CPLANE2: variants seen among roughly 807,000 people sequenced by gnomAD.
The protein encoded by CPLANE2 is ciliogenesis and planar polarity effector complex subunit 2.
A neutral mutation model predicts 20.9 loss-of-function variants in CPLANE2; 24 were observed. The observed-to-expected ratio is 1.15, with a 90% confidence interval of 0.83 to 1.61. CPLANE2 has a LOEUF of 1.61. CPLANE2 is among the 40% of genes most tolerant of loss of function. The pLI, the probability that CPLANE2 is intolerant of heterozygous loss-of-function variation, is 0.00. For missense variants in CPLANE2, 330 were observed against 355.1 expected (o/e 0.93, Z 0.57); for synonymous variants, 132 against 144.3 (o/e 0.92, Z 0.61).
At position 16,236,617 on chromosome 1, in the gene CPLANE2, G is replaced by T. The variant is rs1410340513; in HGVS notation, c.112+14C>A. On this transcript the variant is annotated intron_variant, in intron 1 of 4. Transcript: ENST00000375599. ...AGACAAGTGGCGGGCTAGAGGAAAG[G>T]GGGAGGCACTTACCAAACACCCGCC... 1.9e-6 allele frequency: 3 copies of T among 1,539,358 alleles called. No individual in the cohort carries two copies. Among genetic ancestry groups the T allele is most frequent in the Non-Finnish European group, 2.6e-6 (3 of 1,135,372 alleles).
At position 16,232,911 on chromosome 1, in the gene CPLANE2, C is replaced by CT; in HGVS notation, c.371dup (p.Phe125ValfsTer23). ...TGCTCACCAGCAGCATATGATCGAACTTTTTGAGTGCAGACTCTCCACAGT... is the reference window on the plus strand; with the variant it reads ...TGCTCACCAGCAGCATATGATCGAACTTTTTTGAGTGCAGACTCTCCACAGT... On this transcript the variant is annotated frameshift_variant, in exon 3 of 5. Coordinates refer to ENST00000375599, the MANE Select transcript of CPLANE2 (RefSeq NM_030907.4). LOFTEE classifies it high-confidence loss of function. The CT allele has an allele frequency of 6.2e-7, 1 of 1,614,178 alleles. No individual in the cohort carries two copies. Among genetic ancestry groups the CT allele is most frequent in the South Asian group, 1.1e-5 (1 of 91,084 alleles).
chr1:16,231,876 A>T lies in CPLANE2; in HGVS notation c.*172T>A. 1 of 951,680 alleles carries T rather than the reference A, an allele frequency of 1.1e-6. No individual in the cohort carries two copies. Among genetic ancestry groups the T allele is most frequent in the Non-Finnish European group, 1.5e-6 (1 of 652,442 alleles). The allele number at this position is 951,680 out of a possible 1,614,324, so 59.0% of individuals were successfully genotyped here. ...GGGCCTTGGTCCCCACCTCCCTGCC[A>T]TGAATTCTGCAAGGAAAGCGCTGCT... On this transcript the variant is annotated 3_prime_UTR_variant, in exon 5 of 5. Transcript: ENST00000375599.
In CPLANE2 at chr1:16,231,833, G is replaced by A. The variant is rs1457830764; in HGVS notation, c.*215C>T. On this transcript the variant is annotated 3_prime_UTR_variant, in exon 5 of 5. Coordinates refer to ENST00000375599, the MANE Select transcript of CPLANE2 (RefSeq NM_030907.4). The stretch of plus-strand genomic sequence containing the variant: ...GTGCTGCCAAAGGGGGAAAGGCCAC[G>A]GGAGATGTTCGAGCTCAGGGCCTTG... The A allele has an allele frequency of 2.3e-5, 15 of 645,896 alleles. No individual in the cohort carries two copies. Among genetic ancestry groups the A allele is most frequent in the African/African-American group, 5.5e-5 (3 of 54,778 alleles). The allele number at this position is 645,896 out of a possible 1,614,324, so 40.0% of individuals were successfully genotyped here.
intron 1 of CPLANE2, among the ~76,000 whole-genome samples, chr1:16,234,182 C>T (rs1445432597): frequency 6.6e-6 from 1 of 152,048 alleles, no homozygotes; most frequent in Non-Finnish European, 1.5e-5. Flanking sequence ...GGCAGATCAC[C>T]TGAGGTCAGG....
At chr1:16,233,888 G>C in intron 1 of CPLANE2, 124 bp from the exon 2 acceptor site, 4 of 1,018,176 alleles carry the variant, frequency 3.9e-6, no homozygotes, top group Non-Finnish European at 5.8e-6. Context: ...CCTAACACAA[G>C]GTGATCAGCT....
Position 16,231,948 on chromosome 1 carries a change from T to A in CPLANE2, c.*100A>T. On this transcript the variant is annotated 3_prime_UTR_variant, in exon 5 of 5. Coordinates refer to ENST00000375599, the MANE Select transcript of CPLANE2 (RefSeq NM_030907.4). Reference sequence around the variant, plus strand: ...CACATCCTCCCTGATCAGGCCATGCTGGCCAGTCCTCCAGATAGGATCCAT... The same window carrying A: ...CACATCCTCCCTGATCAGGCCATGCAGGCCAGTCCTCCAGATAGGATCCAT... 1 of 1,502,516 alleles carries A rather than the reference T, an allele frequency of 6.7e-7. No homozygotes were observed. 93.1% of individuals were successfully genotyped at this position (1,502,516 alleles called of 1,614,324 possible).
Position 16,237,143 on chromosome 1 carries a change from TC to T in CPLANE2, c.-402del, listed in dbSNP as rs1346047350. 1.3e-5 allele frequency: 2 copies of T among 157,980 alleles called. No homozygotes were observed. Among genetic ancestry groups the T allele is most frequent in the Non-Finnish European group, 2.8e-5 (2 of 71,352 alleles). The allele number at this position is 157,980 out of a possible 1,614,324, so 9.8% of individuals were successfully genotyped here. On this transcript the variant is annotated 5_prime_UTR_variant, in exon 1 of 5. Coordinates refer to ENST00000375599, the MANE Select transcript of CPLANE2 (RefSeq NM_030907.4). ...GCCGCCCCAGCCCGCCGGGCCCACT[TC>T]CGCCCCGCCTGCGTCCGCCTTCTGC...
rs2081425579 is a variant in CPLANE2, at chr1:16,232,213, C to T, written c.612G>A (p.Val204=). 1 of 1,612,530 alleles carries T rather than the reference C, an allele frequency of 6.2e-7. No individual in the cohort carries two copies. Among genetic ancestry groups the T allele is most frequent in the East Asian group, 2.2e-5 (1 of 44,886 alleles). ...RQAWELPLLR[V]KSVPGRRLAD... Reference sequence around the variant, plus strand: ...CCAGCCGCCGCCCCGGCACACTCTTCACCCGTAGCAGGGGCAGCTCCCAGG... The same window carrying T: ...CCAGCCGCCGCCCCGGCACACTCTTTACCCGTAGCAGGGGCAGCTCCCAGG... Residue 204 remains valine (V), a synonymous_variant, in exon 5 of 5, where the codon GTG becomes GTA. Coordinates refer to ENST00000375599, the MANE Select transcript of CPLANE2 (RefSeq NM_030907.4).
intron 1 of CPLANE2, among the ~76,000 whole-genome samples, chr1:16,235,950 G>A (rs1019810598): frequency 3.9e-5 from 6 of 152,056 alleles, no homozygotes; most frequent in African/African-American, 1.4e-4. Context: ...CAAAGTGCTG[G>A]GATTACAGGC....
chr1:16,235,258 T>C (rs572123458), intron 1 of CPLANE2, among the ~76,000 whole-genome samples: 30 of 152,352 alleles, frequency 2.0e-4, no homozygotes, highest in Non-Finnish European at 3.4e-4. Context: ...AAGCCATCAC[T>C]GCCATTCCTC....
In CPLANE2 at chr1:16,236,707, G is replaced by A. The variant is rs755081989; in HGVS notation, c.36C>T (p.Val12=). The part of the protein sequence containing the change: ...ARPPVPGSVV[V]PNWHESAEGK... ...CCTCGGCACTCTCGTGCCAGTTTGG[G>A]ACAACCACCGAACCGGGCACGGGAG... Residue 12 remains valine, a synonymous_variant, in exon 1 of 5, where the codon GTC becomes GTT. Transcript: ENST00000375599. 6.4e-7 allele frequency: 1 copy of A among 1,560,474 alleles called. No individual in the cohort carries two copies. Among genetic ancestry groups the A allele is most frequent in the South Asian group, 1.2e-5 (1 of 84,884 alleles).
intron 1 of CPLANE2, 50 bp downstream of exon 1, chr1:16,236,581 T>TC: frequency 7.1e-7 from 1 of 1,410,772 alleles, no homozygotes; most frequent in Non-Finnish European, 9.8e-7. Context: ...GACACTCTTC[T>TC]CCCCAGGGAA....
In CPLANE2 at chr1:16,232,150, G is replaced by A. The variant is rs201394931; in HGVS notation, c.675C>T (p.Ala225=). The A allele has an allele frequency of 4.3e-5, 69 of 1,613,370 alleles. No homozygotes were observed. Among genetic ancestry groups the A allele is most frequent in the Non-Finnish European group, 5.2e-5 (61 of 1,179,986 alleles). ...GGCCATTGAGTATGTGGGCAACGTC[G>A]GCCAGCCCAGCCCGCCCGTCCAGTG... The part of the protein sequence containing the change: ...GRTLDGRAGL[A]DVAHILNGLA... The change falls in exon 5 of 5, where the codon GCC becomes GCT. Residue 225 remains alanine, a synonymous_variant. Coordinates refer to ENST00000375599, the MANE Select transcript of CPLANE2 (RefSeq NM_030907.4).
chr1:16,236,860 G>A lies in CPLANE2; in HGVS notation c.-118C>T, dbSNP rs1363218424. On this transcript the variant is annotated 5_prime_UTR_variant, in exon 1 of 5. Transcript: ENST00000375599. Reference sequence around the variant, plus strand: ...CTCTTAACTGCCCTCTGACTCTCCCGGGGGGCCCCAGAAAGTGCAGTCCCT... The same window carrying A: ...CTCTTAACTGCCCTCTGACTCTCCCAGGGGGCCCCAGAAAGTGCAGTCCCT... The A allele has an allele frequency of 6.6e-6, 5 of 758,748 alleles. No homozygotes were observed. In the East Asian group the frequency reaches 1.4e-4, roughly 21 times the overall value. 47.0% of individuals were successfully genotyped at this position (758,748 alleles called of 1,614,324 possible).
At chr1:16,232,794 T>A in intron 3 of CPLANE2, 99 bp downstream of exon 3, 2 of 1,569,026 alleles carry the variant, frequency 1.3e-6, no homozygotes, top group Middle Eastern at 1.7e-4. Context: ...GGGCTGGGAC[T>A]GTCTCCAGTG....
rs545812835 is a variant in CPLANE2 at position 16,236,067 on chromosome 1, C to T, written c.112+564G>A. Among the ~76,000 whole-genome samples the T allele has an allele frequency of 5.3e-5, 8 of 152,356 alleles. No individual in the cohort carries two copies. The South Asian group carries it at 6.2e-4, about 12-fold the overall frequency. ...TCACAAATTTTGGTTCTAGCTATCT[C>T]ACTCTCTGGTCTTAAGTCTTCTGGC... On this transcript the variant is annotated intron_variant, in intron 1 of 4. Coordinates refer to ENST00000375599, the MANE Select transcript of CPLANE2 (RefSeq NM_030907.4).
At position 16,236,630 on chromosome 1, in the gene CPLANE2, C is replaced by A; in HGVS notation, c.112+1G>T. On this transcript the variant is annotated splice_donor_variant, in intron 1 of 4. Transcript: ENST00000375599. LOFTEE classifies it high-confidence loss of function. Reference sequence around the variant, plus strand: ...GCTAGAGGAAAGGGGGAGGCACTTACCAAACACCCGCCGGCGGTTCTTGCG... The same window carrying A: ...GCTAGAGGAAAGGGGGAGGCACTTAACAAACACCCGCCGGCGGTTCTTGCG... 1 of 1,553,156 alleles carries A rather than the reference C, an allele frequency of 6.4e-7. No homozygotes were observed.
rs1437178765 is a variant in CPLANE2 at position 16,233,384 on chromosome 1, GAGCGT to G, written c.265+223_265+227del. On this transcript the variant is annotated intron_variant, in intron 2 of 4. Transcript: ENST00000375599. ...TTAGCATTTCCTGAGCATTTACCTT[GAGCGT>G]AGCTTGATGCTAGGCATGTTACCAC... Among the ~76,000 whole-genome samples the G allele has an allele frequency of 5.3e-5, 8 of 152,314 alleles. No homozygotes were observed. In the East Asian group the frequency reaches 1.2e-3, roughly 22 times the overall value.
rs1280928963 is a variant in CPLANE2, at chr1:16,232,554, T to C, written c.483A>G (p.Ile161Met). 6.2e-7 allele frequency: 1 copy of C among 1,614,124 alleles called. No individual in the cohort carries two copies. Among genetic ancestry groups the C allele is most frequent in the South Asian group, 1.1e-5 (1 of 91,080 alleles). Residue 161 changes from isoleucine to methionine, a missense_variant, in exon 4 of 5, where the codon ATA (isoleucine) becomes ATG (methionine). Ile to Met is a conservative substitution (Grantham distance 10). Transcript: ENST00000375599. ...FEDLPGQLAR[I>M]AGEAPGVVRM... is the part of the protein sequence containing the mutation. ...TGACGACACCAGGGGCCTCACCTGC[T>C]ATGCGGGCCAGCTGTCCAGGGAGGT...
Sources: allele counts gnomAD v4.1 joint callset (sites outside exome capture counted in the v4.1 genomes callset), GRCh38; gene constraint gnomAD v4.1.1; transcripts MANE v1.5; gene names NCBI Gene and HGNC (gene_info 2026-07-23, HGNC 2026-07-21).